Variants in PLCB1 observed in about 807,000 individuals in gnomAD.
PLCB1 encodes the protein phospholipase C beta 1.
A neutral mutation model predicts 161.8 loss-of-function variants in PLCB1; 46 were observed. That is an observed-to-expected ratio of 0.28 (90% CI 0.22 to 0.36). PLCB1 has a LOEUF of 0.36. Ranked by LOEUF, PLCB1 falls within the 10% of genes least tolerant of loss-of-function variation. The pLI, the probability that PLCB1 is intolerant of heterozygous loss-of-function variation, is 1.00. For synonymous variants in PLCB1, 517 were observed against 503.7 expected (o/e 1.03, Z -0.35); for missense variants, 1,016 against 1,472.5 (o/e 0.69, Z 5.07).
rs77532668 is a variant in PLCB1 at position 8,138,049 on chromosome 20, A to C, written c.99+5299A>C. ...GCAAACAGTTCAACAAAACCCTAGT[A>C]ATTTACAGAGGAAATGTAATGCCTT... is the stretch of plus-strand genomic sequence containing the variant. On this transcript the variant is annotated intron_variant, in intron 1 of 31. Transcript: ENST00000338037. 7.4e-3 allele frequency among the ~76,000 whole-genome samples: 1,122 copies of C among 152,338 alleles called. 16 individuals carry two copies. Among genetic ancestry groups the C allele is most frequent in the African/African-American group, 0.025 (1,046 of 41,570 alleles).
chr20:8,551,446 A>G (rs1985772619), intron 3 of PLCB1, among the ~76,000 whole-genome samples: 1 of 152,216 alleles, frequency 6.6e-6, no homozygotes, highest in Admixed American at 6.5e-5. Context: ...CATGGCAATC[A>G]TTGATTCTAA....
chr20:8,820,778 G>T (rs1985305472), intron 31 of PLCB1, among the ~76,000 whole-genome samples: 1 of 151,934 alleles, frequency 6.6e-6, no homozygotes. Context: ...TCCTACAAAA[G>T]AATATTACAC....
rs183427053 is a variant in PLCB1, at chr20:8,294,312, C to T, written c.178-77070C>T. Among the ~76,000 whole-genome samples the T allele has an allele frequency of 1.0e-3, 159 of 151,990 alleles. 1 individual carries two copies. The highest frequency in any genetic ancestry group is 6.8e-3 in the Middle Eastern group (2 of 294). Reference sequence around the variant, plus strand: ...TCATTCTAAACTTCATCATTAATCACGAAAATGCAAATTAATATCACAGTG... The same window carrying T: ...TCATTCTAAACTTCATCATTAATCATGAAAATGCAAATTAATATCACAGTG... On this transcript the variant is annotated intron_variant, in intron 2 of 31. Transcript: ENST00000338037.
intron 2 of PLCB1, among the ~76,000 whole-genome samples, chr20:8,167,406 G>A (rs1424835616): frequency 6.6e-6 from 1 of 152,154 alleles, no homozygotes; most frequent in Non-Finnish European, 1.5e-5. Context: ...TTTATCATAT[G>A]CCATCCCTTT....
intron 14 of PLCB1, among the ~76,000 whole-genome samples, chr20:8,718,344 A>C (rs996706155): frequency 6.6e-6 from 1 of 152,162 alleles, no homozygotes; most frequent in African/African-American, 2.4e-5. Context: ...ACCAGCACAA[A>C]TGTATTATCC....
At chr20:8,852,616 C>G (rs1986926910) in intron 31 of PLCB1, among the ~76,000 whole-genome samples, 1 of 152,186 alleles carries the variant, frequency 6.6e-6, no homozygotes, top group African/African-American at 2.4e-5. Context: ...AATAAGGAGG[C>G]ACTCACTTCT....
intron 2 of PLCB1, among the ~76,000 whole-genome samples, chr20:8,198,385 A>T (rs1205600056): frequency 3.3e-5 from 5 of 152,106 alleles, no homozygotes; most frequent in South Asian, 2.1e-4. Flanking sequence ...CATCCCTTGT[A>T]AGTTGGATTC....
At chr20:8,202,164 C>T (rs887977044) in intron 2 of PLCB1, among the ~76,000 whole-genome samples, 6 of 152,178 alleles carry the variant, frequency 3.9e-5, no homozygotes, top group African/African-American at 1.4e-4. Context: ...GCAAACTCCG[C>T]CTCCTGGGTT....
intron 18 of PLCB1, among the ~76,000 whole-genome samples, chr20:8,731,149 C>T (rs1283314981): frequency 6.6e-6 from 1 of 151,518 alleles, no homozygotes; most frequent in Non-Finnish European, 1.5e-5. Flanking sequence ...CTCTAAGCCA[C>T]GATTAAGAGT....
At chr20:8,452,842 G>A (rs929184491) in intron 3 of PLCB1, among the ~76,000 whole-genome samples, 10 of 152,198 alleles carry the variant, frequency 6.6e-5, no homozygotes, top group Non-Finnish European at 1.2e-4. Flanking sequence ...GACTTTGGGA[G>A]GGATTGTGAG....
chr20:8,676,953 A>AT (rs1031867354), intron 9 of PLCB1, among the ~76,000 whole-genome samples: 10 of 152,222 alleles, frequency 6.6e-5, no homozygotes, highest in African/African-American at 2.4e-4. Flanking sequence ...CAGAATGCTA[A>AT]TTTTTTCAAT....
rs561655318 is a variant in PLCB1, at chr20:8,723,929, T to TTTA, written c.1582-716_1582-714dup. On this transcript the variant is annotated intron_variant, in intron 15 of 31. Transcript: ENST00000338037. ...CTGCCCATTTCCACAAAGCAATCTT[T>TTTA]TTATTATTATTATCAATTTTCCCTT... Among the ~76,000 whole-genome samples the TTTA allele has an allele frequency of 5.6e-3, 857 of 151,932 alleles. 6 individuals are homozygous for TTTA. The highest frequency in any genetic ancestry group is 0.02 in the African/African-American group (814 of 41,378).
chr20:8,144,893 C>A (rs1371840153), intron 1 of PLCB1, among the ~76,000 whole-genome samples: 4 of 152,100 alleles, frequency 2.6e-5, no homozygotes, highest in African/African-American at 9.7e-5. Flanking sequence ...TGTGTGTTCT[C>A]TTGTAATACC....
chr20:8,555,191 C>G (rs1476872390), intron 3 of PLCB1, among the ~76,000 whole-genome samples: 1 of 151,888 alleles, frequency 6.6e-6, no homozygotes, highest in African/African-American at 2.4e-5. Context: ...CCTTGGGGCT[C>G]CCTACTCTGC....
At chr20:8,523,465 G>GCT (rs1174973173) in intron 3 of PLCB1, among the ~76,000 whole-genome samples, 1,734 of 48,670 alleles carry the variant, frequency 0.036, 92 homozygotes, top group East Asian at 0.089. Flanking sequence ...TATATATTTG[G>GCT]CTCTCTCTCT....
intron 3 of PLCB1, among the ~76,000 whole-genome samples, chr20:8,395,508 A>G (rs1402865015): frequency 2.0e-5 from 3 of 152,228 alleles, no homozygotes; most frequent in East Asian, 1.9e-4. Context: ...TTTAAAGTCA[A>G]TAATGCTTTC....
At chr20:8,165,503 G>A (rs1287071791) in intron 2 of PLCB1, among the ~76,000 whole-genome samples, 2 of 152,098 alleles carry the variant, frequency 1.3e-5, no homozygotes, top group African/African-American at 4.8e-5. Flanking sequence ...GGAATACCTT[G>A]TGCCTTCCTT....
At chr20:8,198,513 ATCT>A (rs2052053989) in intron 2 of PLCB1, among the ~76,000 whole-genome samples, 1 of 152,270 alleles carries the variant, frequency 6.6e-6, no homozygotes, top group East Asian at 1.9e-4. Flanking sequence ...CTTACCTAGT[ATCT>A]TCTTCTGCTA....
intron 2 of PLCB1, among the ~76,000 whole-genome samples, chr20:8,252,463 GA>G (rs5840258): frequency 0.21 from 30,960 of 148,016 alleles, 3,773 homozygotes; most frequent in East Asian, 0.28. Flanking sequence ...TGGAATGGAA[GA>G]AAAAAAAAAG....
Sources: allele counts gnomAD v4.1 joint callset (sites outside exome capture counted in the v4.1 genomes callset), GRCh38; gene constraint gnomAD v4.1.1; transcripts MANE v1.5; gene names NCBI Gene and HGNC (gene_info 2026-07-23, HGNC 2026-07-21).